The following UBR2 variants were observed in gnomAD, a reference collection of about 807,000 sequenced individuals.
The protein encoded by UBR2 is E3 ubiquitin-protein ligase UBR2.
UBR2 carries 92 observed loss-of-function variants against 247.9 expected under a neutral mutation model. The ratio of observed to expected loss-of-function variants is 0.37; its 90% CI spans 0.31 to 0.44. The LOEUF (loss-of-function observed/expected upper bound fraction) is 0.44. Ranked by LOEUF, UBR2 falls within the 20% of genes least tolerant of loss-of-function variation. UBR2 has a pLI of 1.00. For synonymous variants in UBR2, 672 were observed against 693.5 expected, an observed-to-expected ratio of 0.97 and a Z score of 0.49; for missense variants, 1,613 against 2,112.6, an observed-to-expected ratio of 0.76 and a Z score of 4.64.
intron 8 of UBR2, among the ~76,000 whole-genome samples, chr6:42,613,377 T>C (rs1005573586): frequency 1.3e-5 from 2 of 152,162 alleles, no homozygotes; most frequent in South Asian, 4.1e-4. Flanking sequence ...GTTGAAAATA[T>C]GAAGGTGTGG....
chr6:42,592,870 A>G (rs1038016591), intron 3 of UBR2, among the ~76,000 whole-genome samples: 13 of 152,286 alleles, frequency 8.5e-5, no homozygotes, highest in African/African-American at 2.9e-4. Flanking sequence ...GGAGTTCATA[A>G]TAATGAACTA....
intron 11 of UBR2, among the ~76,000 whole-genome samples, chr6:42,621,728 T>G (rs1357716073): frequency 1.3e-5 from 2 of 152,052 alleles, no homozygotes; most frequent in Non-Finnish European, 2.9e-5. Flanking sequence ...CCCAAAGTGC[T>G]GAGATTACAG....
intron 11 of UBR2, among the ~76,000 whole-genome samples, chr6:42,622,612 C>G (rs1370309524): frequency 6.6e-6 from 1 of 151,634 alleles, no homozygotes. Flanking sequence ...CCATGTTAGC[C>G]AGACTGGTCT....
chr6:42,655,379 G>A (rs1482462315), intron 25 of UBR2, among the ~76,000 whole-genome samples: 1 of 151,214 alleles, frequency 6.6e-6, no homozygotes, highest in Non-Finnish European at 1.5e-5. Context: ...TCGGGAGGCT[G>A]AGGCAGGAGA....
intron 2 of UBR2, among the ~76,000 whole-genome samples, chr6:42,586,289 G>C (rs905070648): frequency 6.6e-6 from 1 of 152,024 alleles, no homozygotes; most frequent in Non-Finnish European, 1.5e-5. Flanking sequence ...GAGCCCAGGA[G>C]TGGGAGGTTG....
At chr6:42,656,086 A>T (rs558779240) in intron 26 of UBR2, among the ~76,000 whole-genome samples, 6 of 152,212 alleles carry the variant, frequency 3.9e-5, no homozygotes, top group Non-Finnish European at 7.3e-5. Flanking sequence ...TCATACATAT[A>T]GACAAGTTGA....
rs1351138396 is a variant in UBR2 at position 42,658,827 on chromosome 6, A to T, written c.3242+3A>T. On this transcript the variant is annotated splice_donor_region_variant and intron_variant, in intron 29 of 46. Coordinates refer to ENST00000372901, the MANE Select transcript of UBR2 (RefSeq NM_001363705.2). ...ACCTCTGCTGTTCTTGATCATAGGT[A>T]AAAAAAAAAAAAAAAAAAATTAATG... 2 of 48,856 alleles carry T rather than the reference A, an allele frequency of 4.1e-5. No individual in the cohort carries two copies. Among genetic ancestry groups the T allele is most frequent in the Non-Finnish European group, 6.5e-5 (2 of 30,578 alleles). 3.0% of individuals were successfully genotyped at this position (48,856 alleles called of 1,614,324 possible).
intron 2 of UBR2, among the ~76,000 whole-genome samples, chr6:42,578,312 G>A (rs1791652307): frequency 6.6e-6 from 1 of 152,130 alleles, no homozygotes; most frequent in Non-Finnish European, 1.5e-5. Flanking sequence ...AATAGAGCTG[G>A]TGGATCATTC....
At chr6:42,656,963 G>A (rs759419321) in intron 26 of UBR2, among the ~76,000 whole-genome samples, 35 of 152,014 alleles carry the variant, frequency 2.3e-4, no homozygotes, top group Non-Finnish European at 4.4e-4. Flanking sequence ...GGCCAGGCAT[G>A]GTGGCTCACT....
chr6:42,602,117 C>A (rs1178204632), intron 4 of UBR2, among the ~76,000 whole-genome samples: 1 of 152,034 alleles, frequency 6.6e-6, no homozygotes, highest in Non-Finnish European at 1.5e-5. Context: ...GATCCATCCA[C>A]CTCGGCCTCC....
chr6:42,567,309 C>G lies in UBR2; in HGVS notation c.78+2912C>G, dbSNP rs114195749. Among the ~76,000 whole-genome samples the G allele has an allele frequency of 4.0e-3, 607 of 152,304 alleles. 1 individual carries two copies. Among genetic ancestry groups the G allele is most frequent in the African/African-American group, 0.014 (567 of 41,564 alleles). On this transcript the variant is annotated intron_variant, in intron 1 of 46. Transcript: ENST00000372901. ...AAGTTTAGGATATTACAGTGGCCCT[C>G]TCTTCTCATTCTTCTCTTTTCTTGT...
intron 1 of UBR2, among the ~76,000 whole-genome samples, chr6:42,567,009 A>G (rs1283185419): frequency 6.6e-6 from 1 of 152,244 alleles, no homozygotes; most frequent in Non-Finnish European, 1.5e-5. Context: ...TTAAATTAAT[A>G]AAGTTTTTTC....
Position 42,612,168 on chromosome 6 carries a change from A to G in UBR2, c.865-3A>G. The G allele has an allele frequency of 6.7e-7, 1 of 1,498,210 alleles. No individual in the cohort carries two copies. The highest frequency in any genetic ancestry group is 1.4e-5 in the South Asian group (1 of 72,338). 92.8% of individuals were successfully genotyped at this position (1,498,210 alleles called of 1,614,324 possible). ...TTTTTAAATCTTGCCATTTCTTTTT[A>G]AGAGAAATACCAGTAGACAGACAAA... On this transcript the variant is annotated splice_polypyrimidine_tract_variant and splice_region_variant and intron_variant, in intron 7 of 46. Coordinates refer to ENST00000372901, the MANE Select transcript of UBR2 (RefSeq NM_001363705.2).
chr6:42,678,795 T>C, intron 41 of UBR2, 126 bp downstream of exon 41: 2 of 1,051,672 alleles, frequency 1.9e-6, no homozygotes, highest in Middle Eastern at 2.4e-4. Context: ...ACTATGGTGA[T>C]GTACACATTT....
rs141394264 is a variant in UBR2, at chr6:42,691,422, T to C, written c.*249T>C. On this transcript the variant is annotated 3_prime_UTR_variant, in exon 47 of 47. Transcript: ENST00000372901. ...CGAGCAAGGAGCTTCTCTTCCTAGA[T>C]TGGATCCCAGCCCCTTTGTGGGGGT... 499 of 492,184 alleles carry C rather than the reference T, an allele frequency of 1.0e-3. 5 individuals are homozygous for C. The East Asian group carries it at 0.011, about 11-fold the overall frequency. 30.5% of individuals were successfully genotyped at this position (492,184 alleles called of 1,614,324 possible).
chr6:42,642,267 T>C (rs1796493431), intron 17 of UBR2, 149 bp from the exon 18 acceptor site: 1 of 622,678 alleles, frequency 1.6e-6, no homozygotes, highest in Non-Finnish European at 2.8e-6. Flanking sequence ...TGTAATTAAT[T>C]AATCTTTACT....
chr6:42,651,479 T>C (rs1037210734), intron 23 of UBR2, among the ~76,000 whole-genome samples: 1 of 151,996 alleles, frequency 6.6e-6, no homozygotes, highest in Non-Finnish European at 1.5e-5. Context: ...GGACTAGAAC[T>C]TAAAGATAGA....
At chr6:42,682,991 A>G (rs552365803) in intron 42 of UBR2, 64 bp from the exon 43 acceptor site, 6 of 1,464,350 alleles carry the variant, frequency 4.1e-6, no homozygotes, top group South Asian at 2.4e-5. Context: ...TATGGAGGGG[A>G]AAAAATTCTA....
intron 2 of UBR2, among the ~76,000 whole-genome samples, chr6:42,587,539 G>A (rs1354610625): frequency 6.6e-6 from 1 of 151,850 alleles, no homozygotes. Context: ...TAAATTTTTT[G>A]TAGAGATGGG....
Sources: allele counts gnomAD v4.1 joint callset (sites outside exome capture counted in the v4.1 genomes callset), GRCh38; gene constraint gnomAD v4.1.1; transcripts MANE v1.5; gene names NCBI Gene and HGNC (gene_info 2026-07-23, HGNC 2026-07-21).